Variants in CCDC34 observed in about 807,000 individuals in gnomAD.
CCDC34 encodes coiled-coil domain containing 34, also known as coiled-coil domain-containing protein 34.
Under a neutral mutation model 44.1 loss-of-function variants are expected in CCDC34, and 40 were observed. That is an observed-to-expected ratio of 0.91 (90% CI 0.70 to 1.18). The LOEUF is 1.18. Among genes scored for constraint, CCDC34 ranks in the 50% most tolerant of loss-of-function variants. CCDC34 has a pLI of 0.00. For synonymous variants in CCDC34, 159 were observed against 158.2 expected (o/e 1.01, Z -0.04); for missense variants, 466 against 452.3 (o/e 1.03, Z -0.28).
chr11:27,346,360 A>T (rs1320862646), intron 3 of CCDC34, among the ~76,000 whole-genome samples: 1 of 148,946 alleles, frequency 6.7e-6, no homozygotes, highest in Non-Finnish European at 1.5e-5. Flanking sequence ...ATGCCACTGC[A>T]CTCCAGCCTG....
At chr11:27,353,919 A>G (rs1407746508) in intron 2 of CCDC34, among the ~76,000 whole-genome samples, 2 of 152,364 alleles carry the variant, frequency 1.3e-5, no homozygotes, top group African/African-American at 4.8e-5. Context: ...TGGCAAAATT[A>G]CTTTTCTGCC....
At chr11:27,349,869 A>T in intron 3 of CCDC34, 1 of 990,376 alleles carries the variant, frequency 1.0e-6, no homozygotes, top group Non-Finnish European at 1.2e-6. Context: ...ATGGAAAGAG[A>T]TCACAAACAG....
chr11:27,352,769 T>C (rs559689729), intron 2 of CCDC34, among the ~76,000 whole-genome samples: 357 of 152,320 alleles, frequency 2.3e-3, no homozygotes, highest in Non-Finnish European at 4.5e-3. Context: ...TTTTAGTTAA[T>C]GTTGATTGAA....
chr11:27,356,312 G>A (rs1463118618), intron 2 of CCDC34, among the ~76,000 whole-genome samples: 1 of 151,610 alleles, frequency 6.6e-6, no homozygotes, highest in Non-Finnish European at 1.5e-5. Flanking sequence ...CGCCATGCCC[G>A]GCCAATTCCC....
At chr11:27,359,395 C>T (rs1005850272) in intron 1 of CCDC34, among the ~76,000 whole-genome samples, 3 of 152,282 alleles carry the variant, frequency 2.0e-5, no homozygotes, top group South Asian at 4.1e-4. Context: ...CTTCCACCTC[C>T]GCATAAAGTC....
In CCDC34 at chr11:27,363,008, T is replaced by C. The variant is rs1862693386; in HGVS notation, c.187A>G (p.Thr63Ala). The C allele has an allele frequency of 6.2e-7, 1 of 1,614,088 alleles. No individual in the cohort carries two copies. The highest frequency in any genetic ancestry group is 8.5e-7 in the Non-Finnish European group (1 of 1,180,006). ...CCAAGGGGAGACAACAGCGACCTGGTGGAATTGCTGCAGCTCAGCGGCAGC... is the reference window on the plus strand; with the variant it reads ...CCAAGGGGAGACAACAGCGACCTGGCGGAATTGCTGCAGCTCAGCGGCAGC... ...PPLPLSCSNSTRSLLSPLGHQ... is the reference protein window; with the variant it reads ...PPLPLSCSNSARSLLSPLGHQ... Residue 63 changes from threonine (T) to alanine (A), a missense_variant, in exon 1 of 6, where the codon ACC becomes GCC. By Grantham distance (58) the Thr-to-Ala change is moderately conservative. Transcript: ENST00000328697.
chr11:27,362,204 T>A (rs903796236), intron 1 of CCDC34, among the ~76,000 whole-genome samples: 4 of 152,240 alleles, frequency 2.6e-5, no homozygotes, highest in Non-Finnish European at 4.4e-5. Context: ...AAACAATGTT[T>A]GCTGAGTGAG....
At chr11:27,359,336 G>A (rs1862625617) in intron 1 of CCDC34, among the ~76,000 whole-genome samples, 1 of 152,062 alleles carries the variant, frequency 6.6e-6, no homozygotes, top group African/African-American at 2.4e-5. Context: ...GTTGATGAAT[G>A]TGCCACGCCC....
intron 2 of CCDC34, among the ~76,000 whole-genome samples, 186 bp downstream of exon 2, chr11:27,357,217 C>T (rs1862590934): frequency 6.6e-6 from 1 of 152,024 alleles, no homozygotes; most frequent in Non-Finnish European, 1.5e-5. Context: ...CTGTATTTTC[C>T]AAATGCTCTA....
In CCDC34 at chr11:27,362,928, G is replaced by A. The variant is rs1862691037; in HGVS notation, c.267C>T (p.Asp89=). The part of the protein sequence containing the change: ...EDDGDGEDEE[D]VDDEEDVDED... ...CATCCACGTCTTCCTCATCATCCAC[G>A]TCTTCCTCATCCTCCCCGTCACCGT... Residue 89 remains aspartate, a synonymous_variant, in exon 1 of 6, where the codon GAC becomes GAT. Transcript: ENST00000328697. 3.7e-6 allele frequency: 6 copies of A among 1,613,878 alleles called. No individual in the cohort carries two copies. Among genetic ancestry groups the A allele is most frequent in the African/African-American group, 2.7e-5 (2 of 74,864 alleles).
chr11:27,338,656 C>A lies in CCDC34; in HGVS notation c.*165G>T. 1 of 589,486 alleles carries A rather than the reference C, an allele frequency of 1.7e-6. No homozygotes were observed. The highest frequency in any genetic ancestry group is 2.9e-6 in the Non-Finnish European group (1 of 350,290). 36.5% of individuals were successfully genotyped at this position (589,486 alleles called of 1,614,324 possible). On this transcript the variant is annotated 3_prime_UTR_variant, in exon 6 of 6. Transcript: ENST00000328697. ...TTAAAAAGTTTATAAAAACCAAAAT[C>A]CAGAAAATATCTTCCTCAACTCTAA...
intron 3 of CCDC34, among the ~76,000 whole-genome samples, chr11:27,348,063 A>G (rs1368138282): frequency 6.6e-6 from 1 of 152,142 alleles, no homozygotes; most frequent in African/African-American, 2.4e-5. Context: ...CTGGCACGCT[A>G]GTTCTACACC....
intron 1 of CCDC34, among the ~76,000 whole-genome samples, chr11:27,360,208 T>C (rs1168678643): frequency 1.3e-5 from 2 of 152,176 alleles, no homozygotes; most frequent in Admixed American, 6.5e-5. Context: ...GTTTTCCTAA[T>C]GGATAGTGGT....
At chr11:27,340,953 T>G in intron 4 of CCDC34, 116 bp from the exon 5 acceptor site, 1 of 800,172 alleles carries the variant, frequency 1.2e-6, no homozygotes, top group Admixed American at 2.7e-5. Context: ...TTACTGGCCA[T>G]AATACTGAAT....
Position 27,350,151 on chromosome 11 carries a change from T to C in CCDC34, c.606+181A>G, listed in dbSNP as rs1862486288. 1.8e-5 allele frequency: 26 copies of C among 1,474,588 alleles called. No homozygotes were observed. The South Asian group carries it at 3.1e-4, about 17-fold the overall frequency. 91.3% of individuals were successfully genotyped at this position (1,474,588 alleles called of 1,614,324 possible). ...CCACAGGAGGGAAAAAGGAGAAAAGTAGAGGGCAAAGGGCAGAAGATAGAG... is the reference window on the plus strand; with the variant it reads ...CCACAGGAGGGAAAAAGGAGAAAAGCAGAGGGCAAAGGGCAGAAGATAGAG... On this transcript the variant is annotated intron_variant, in intron 3 of 5. Transcript: ENST00000328697.
rs538726873 is a variant in CCDC34 at position 27,338,666 on chromosome 11, T to A, written c.*155A>T. The stretch of plus-strand genomic sequence containing the variant: ...TATAAAAACCAAAATCCAGAAAATA[T>A]CTTCCTCAACTCTAAGGACTCCATA... On this transcript the variant is annotated 3_prime_UTR_variant, in exon 6 of 6. Transcript: ENST00000328697. 4.9e-6 allele frequency: 3 copies of A among 609,778 alleles called. No homozygotes were observed. The African/African-American group carries it at 5.8e-5, about 12-fold the overall frequency. 37.8% of individuals were successfully genotyped at this position (609,778 alleles called of 1,614,324 possible).
At chr11:27,350,830 G>T (rs1317038295) in intron 2 of CCDC34, among the ~76,000 whole-genome samples, 2 of 151,622 alleles carry the variant, frequency 1.3e-5, no homozygotes, top group Admixed American at 6.6e-5. Flanking sequence ...TCCTGATGAA[G>T]ATAAAGCATA....
chr11:27,338,905 A>G lies in CCDC34; in HGVS notation c.1038T>C (p.Ser346=), dbSNP rs778090018. The G allele has an allele frequency of 6.2e-7, 1 of 1,613,866 alleles. No individual in the cohort carries two copies. The highest frequency in any genetic ancestry group is 8.5e-7 in the Non-Finnish European group (1 of 1,179,868). Residue 346 remains serine (S), a synonymous_variant, in exon 6 of 6, where the codon AGT becomes AGC. Coordinates refer to ENST00000328697, the MANE Select transcript of CCDC34 (RefSeq NM_030771.2). The stretch of plus-strand genomic sequence containing the variant: ...CCAGAGATGATGACTTGTGTGGCTG[A>G]CTTATCACAGGTCTTTTACTCTTCC... The part of the protein sequence containing the change: ...SGRKSKRPVI[S]QPHKSSSLVI...
chr11:27,340,981 A>G (rs895708806), intron 4 of CCDC34, 144 bp from the exon 5 acceptor site: 38 of 674,666 alleles, frequency 5.6e-5, no homozygotes, highest in Non-Finnish European at 9.2e-5. Flanking sequence ...TTATAATATG[A>G]GTAGAATATT....
Sources: gnomAD v4.1 joint callset for allele counts (sites outside exome capture counted in the v4.1 genomes callset) on GRCh38, gnomAD v4.1.1 for gene constraint, MANE v1.5 for transcripts, NCBI Gene and HGNC (gene_info 2026-07-23, HGNC 2026-07-21) for gene names.